The following RAE1 variants were observed in gnomAD, a reference collection of about 807,000 sequenced individuals.
RAE1 encodes mRNA export factor RAE1.
Under a neutral mutation model 52.7 loss-of-function variants are expected in RAE1, and 13 were observed. The observed-to-expected ratio is 0.25, with a 90% CI of 0.16 to 0.39. The LOEUF (loss-of-function observed/expected upper bound fraction) is 0.39, where lower values mean the gene tolerates loss of function less well. Ranked by LOEUF, RAE1 falls within the 10% of genes least tolerant of loss-of-function variation. The probability of loss-of-function intolerance (pLI) is 1.00; values close to 1 mark genes in which losing one functional copy is unlikely to be tolerated. For missense variants in RAE1, 262 were observed against 459.8 expected (o/e 0.57, Z 3.93); for synonymous variants, 164 against 153.1 (o/e 1.07, Z -0.52).
At chr20:57,353,896 T>C in intron 1 of RAE1, 136 bp from the exon 2 acceptor site, 1 of 689,388 alleles carries the variant, frequency 1.5e-6, no homozygotes, top group Non-Finnish European at 2.5e-6. Context: ...CTCTGCTCAT[T>C]GCGCTCTTGT....
chr20:57,358,695 C>G, intron 4 of RAE1: 1 of 277,448 alleles, frequency 3.6e-6, no homozygotes, highest in East Asian at 5.8e-5. Context: ...ACATCGAGGT[C>G]GTAAACTCTA....
At chr20:57,359,082 T>A (rs1216737410) in intron 4 of RAE1, 1 of 1,406,564 alleles carries the variant, frequency 7.1e-7, no homozygotes, top group Admixed American at 2.6e-5. Context: ...TATGCTACCT[T>A]CGCACGGTCA....
chr20:57,374,404 G>T (rs138410682), intron 10 of RAE1, among the ~76,000 whole-genome samples: 2 of 152,310 alleles, frequency 1.3e-5, no homozygotes, highest in African/African-American at 4.8e-5. Flanking sequence ...CTGGTGTGCA[G>T]CCCTCACAGG....
rs1387402367 is a variant in RAE1, at chr20:57,354,720, A to G, written c.99A>G (p.Glu33=). ...TGACTTTTTTCCCGCAGGATATTGA[A>G]GTAACATCATCTCCTGATGATAGCA... is the stretch of plus-strand genomic sequence containing the variant. ...TDNHNPMKDI[E]VTSSPDDSIG... Residue 33 remains glutamate (E), a synonymous_variant, in exon 3 of 12, where the codon GAA becomes GAG. Transcript: ENST00000395841. 1 of 1,577,584 alleles carries G rather than the reference A, an allele frequency of 6.3e-7. No homozygotes were observed. Among genetic ancestry groups the G allele is most frequent in the African/African-American group, 1.4e-5 (1 of 72,182 alleles).
intron 1 of RAE1, among the ~76,000 whole-genome samples, chr20:57,352,560 C>T (rs1366886744): frequency 6.6e-6 from 1 of 152,234 alleles, no homozygotes; most frequent in Non-Finnish European, 1.5e-5. Flanking sequence ...GTGGTCCACA[C>T]TGACTAACAC....
chr20:57,373,885 G>T (rs143815966), intron 10 of RAE1, 147 bp downstream of exon 10: 1 of 882,516 alleles, frequency 1.1e-6, no homozygotes, highest in Non-Finnish European at 1.8e-6. Context: ...GTAGGCTTCA[G>T]GTTTCTGTGG....
chr20:57,356,585 A>C (rs2066791059), intron 4 of RAE1, 47 bp downstream of exon 4: 1 of 1,462,828 alleles, frequency 6.8e-7, no homozygotes, highest in Non-Finnish European at 9.5e-7. Flanking sequence ...TAAAGTACAG[A>C]ATGATTTAGA....
In RAE1 at chr20:57,374,713, C is replaced by T. The variant is rs200761357; in HGVS notation, c.932C>T (p.Ser311Leu). The T allele has an allele frequency of 5.0e-6, 8 of 1,614,192 alleles. No individual in the cohort carries two copies. Among genetic ancestry groups the T allele is most frequent in the Non-Finnish European group, 5.1e-6 (6 of 1,180,034 alleles). Residue 311 changes from serine (S) to leucine (L), a missense_variant, in exon 11 of 12, where the codon TCG (serine) becomes TTG (leucine). Ser to Leu is a moderately radical substitution (Grantham distance 145). Transcript: ENST00000395841. ...GATGCCAGAACAAAACTAAAAACTT[C>T]GGAACAGTTAGATCAGCCCATCTCA... Reference protein sequence around the residue: ...DKDARTKLKTSEQLDQPISAC... With the variant: ...DKDARTKLKTLEQLDQPISAC...
intron 8 of RAE1, 66 bp downstream of exon 8, chr20:57,368,878 T>A: frequency 7.7e-7 from 1 of 1,298,046 alleles, no homozygotes; most frequent in Non-Finnish European, 1.1e-6. Context: ...TGTGCTCACA[T>A]CTGGAATACA....
intron 7 of RAE1, among the ~76,000 whole-genome samples, chr20:57,367,314 T>G (rs962594978): frequency 3.9e-5 from 6 of 152,204 alleles, no homozygotes; most frequent in Non-Finnish European, 8.8e-5. Flanking sequence ...GCCACTCGTT[T>G]GAACATATGC....
chr20:57,369,434 G>A (rs2067003312), intron 8 of RAE1, among the ~76,000 whole-genome samples: 1 of 152,190 alleles, frequency 6.6e-6, no homozygotes, highest in African/African-American at 2.4e-5. Flanking sequence ...CCCTAATCAG[G>A]ACAAGGGAAG....
In RAE1 at chr20:57,353,953, T is replaced by C; in HGVS notation, c.-7-79T>C. 4.7e-6 allele frequency: 6 copies of C among 1,265,050 alleles called. No homozygotes were observed. In the Admixed American group the frequency reaches 1.1e-4, roughly 24 times the overall value. 78.4% of individuals were successfully genotyped at this position (1,265,050 alleles called of 1,614,324 possible). On this transcript the variant is annotated intron_variant, in intron 1 of 11. Coordinates refer to ENST00000395841, the MANE Select transcript of RAE1 (RefSeq NM_003610.4). ...CAAGCCACTTTGAGTATTTCTCTTC[T>C]GCCAGTTAATTATCTTACCATTGCC...
intron 1 of RAE1, among the ~76,000 whole-genome samples, chr20:57,353,102 C>T (rs1046728239): frequency 9.2e-5 from 14 of 152,164 alleles, no homozygotes; most frequent in African/African-American, 3.4e-4. Flanking sequence ...CCATTTGGCT[C>T]CCTTTGGAGA....
intron 8 of RAE1, among the ~76,000 whole-genome samples, 161 bp downstream of exon 8, chr20:57,368,973 A>G (rs940679415): frequency 1.3e-5 from 2 of 152,256 alleles, no homozygotes; most frequent in African/African-American, 4.8e-5. Context: ...GTGAATATTA[A>G]GTAATACTAA....
At chr20:57,362,628 C>T (rs1600715578) in intron 4 of RAE1, among the ~76,000 whole-genome samples, 2 of 152,068 alleles carry the variant, frequency 1.3e-5, no homozygotes, top group Non-Finnish European at 2.9e-5. Context: ...AGTTTCATAG[C>T]ATCTAGTGGG....
At chr20:57,356,677 T>G (rs2066792820) in intron 4 of RAE1, 139 bp downstream of exon 4, 1 of 792,936 alleles carries the variant, frequency 1.3e-6, no homozygotes, top group Non-Finnish European at 1.9e-6. Context: ...ATATAGTCAT[T>G]TATTGATGTT....
intron 4 of RAE1, chr20:57,358,478 T>G (rs1158358346): frequency 1.3e-5 from 2 of 152,418 alleles, no homozygotes; most frequent in African/African-American, 4.8e-5. Context: ...TGTGTGATGA[T>G]TTAAGAGACT....
At chr20:57,368,039 C>T (rs562095660) in intron 7 of RAE1, among the ~76,000 whole-genome samples, 1 of 152,278 alleles carries the variant, frequency 6.6e-6, no homozygotes, top group South Asian at 2.1e-4. Context: ...CAGGTGTGTG[C>T]CACCAGGCCC....
intron 4 of RAE1, chr20:57,358,705 A>G (rs979853932): frequency 1.8e-4 from 54 of 292,448 alleles, no homozygotes; most frequent in Middle Eastern, 9.4e-4. Context: ...CGTAAACTCT[A>G]TTGTCGATAT....
Sources: allele counts gnomAD v4.1 joint callset (sites outside exome capture counted in the v4.1 genomes callset), GRCh38; gene constraint gnomAD v4.1.1; transcripts MANE v1.5; gene names NCBI Gene and HGNC (gene_info 2026-07-23, HGNC 2026-07-21).